Variants in NKAIN3 observed in about 807,000 individuals in gnomAD.
NKAIN3 encodes the protein sodium/potassium-transporting ATPase subunit beta-1-interacting protein 3.
A neutral mutation model predicts 30.2 loss-of-function variants in NKAIN3; 25 were observed. That is an observed-to-expected ratio of 0.83 (90% confidence interval 0.60 to 1.16). The LOEUF (loss-of-function observed/expected upper bound fraction) is 1.16. Ranked by LOEUF, NKAIN3 falls within the 50% of genes most tolerant of loss-of-function variation. NKAIN3 has a pLI of 0.00. For synonymous variants in NKAIN3, 91 were observed against 89.6 expected, an observed-to-expected ratio of 1.02 and a Z score of -0.09; for missense variants, 225 against 254.1, an observed-to-expected ratio of 0.89 and a Z score of 0.78.
chr8:62,434,475 G>A (rs1042502670), intron 1 of NKAIN3, among the ~76,000 whole-genome samples: 6 of 152,076 alleles, frequency 3.9e-5, no homozygotes, highest in East Asian at 1.9e-4. Flanking sequence ...ACTGGATTCC[G>A]GATGTTATCA....
intron 4 of NKAIN3, among the ~76,000 whole-genome samples, chr8:62,885,601 T>A (rs1434657494): frequency 6.6e-6 from 1 of 152,194 alleles, no homozygotes; most frequent in East Asian, 1.9e-4. Context: ...AGTACAATAG[T>A]GGATTTTTCT....
intron 3 of NKAIN3, among the ~76,000 whole-genome samples, chr8:62,742,506 A>G (rs1329122780): frequency 1.3e-5 from 2 of 152,232 alleles, no homozygotes; most frequent in East Asian, 3.8e-4. Context: ...TCCTCATGCC[A>G]AAGTGGAACA....
At chr8:62,485,141 T>A (rs1429244669) in intron 1 of NKAIN3, among the ~76,000 whole-genome samples, 1 of 152,090 alleles carries the variant, frequency 6.6e-6, no homozygotes, top group Non-Finnish European at 1.5e-5. Flanking sequence ...CTTTTCATGA[T>A]GTATGCTAAA....
At chr8:62,343,903 A>G (rs1485082968) in intron 1 of NKAIN3, among the ~76,000 whole-genome samples, 1 of 152,122 alleles carries the variant, frequency 6.6e-6, no homozygotes, top group Non-Finnish European at 1.5e-5. Flanking sequence ...TCACATTTTG[A>G]TTCTTTATGG....
intron 1 of NKAIN3, among the ~76,000 whole-genome samples, chr8:62,395,818 G>A (rs1028160812): frequency 1.3e-5 from 2 of 152,106 alleles, no homozygotes; most frequent in African/African-American, 4.8e-5. Context: ...AAATACTTGA[G>A]CAATTGATCA....
At chr8:62,768,527 G>A (rs1283596157) in intron 4 of NKAIN3, among the ~76,000 whole-genome samples, 1 of 152,170 alleles carries the variant, frequency 6.6e-6, no homozygotes, top group East Asian at 1.9e-4. Context: ...AGGTACAGGA[G>A]TTAAGGACAT....
intron 1 of NKAIN3, among the ~76,000 whole-genome samples, chr8:62,369,124 C>A (rs1816829440): frequency 6.6e-6 from 1 of 151,980 alleles, no homozygotes; most frequent in Admixed American, 6.6e-5. Flanking sequence ...TTGTTGAGTT[C>A]TTTTTAACTT....
intron 3 of NKAIN3, among the ~76,000 whole-genome samples, chr8:62,667,408 T>C (rs1813159722): frequency 6.8e-6 from 1 of 147,984 alleles, no homozygotes; most frequent in Non-Finnish European, 1.5e-5. Flanking sequence ...TTCCCACTCA[T>C]TGCTTACATT....
chr8:62,604,220 A>T (rs535386545), intron 3 of NKAIN3, among the ~76,000 whole-genome samples: 63 of 152,248 alleles, frequency 4.1e-4, no homozygotes, highest in Non-Finnish European at 7.5e-4. Flanking sequence ...CACTGAATGG[A>T]GGCAACAAGG....
intron 1 of NKAIN3, among the ~76,000 whole-genome samples, chr8:62,316,426 C>T (rs1418833594): frequency 4.6e-5 from 7 of 151,894 alleles, no homozygotes; most frequent in Admixed American, 2.0e-4. Flanking sequence ...GCTATCCCCC[C>T]CCTCCTCCCA....
intron 4 of NKAIN3, among the ~76,000 whole-genome samples, chr8:62,793,791 T>A (rs1817768581): frequency 6.6e-6 from 1 of 152,142 alleles, no homozygotes; most frequent in African/African-American, 2.4e-5. Flanking sequence ...TCTAAGAACA[T>A]CTAAGATATG....
intron 1 of NKAIN3, among the ~76,000 whole-genome samples, chr8:62,466,821 T>C (rs2129599805): frequency 6.6e-6 from 1 of 152,284 alleles, no homozygotes; most frequent in Non-Finnish European, 1.5e-5. Flanking sequence ...TTCTCCCTTT[T>C]ATGTTATTAG....
At chr8:62,832,258 GACACACACACACACACACACAC>G (rs57632946) in intron 4 of NKAIN3, among the ~76,000 whole-genome samples, 12 of 132,600 alleles carry the variant, frequency 9.0e-5, no homozygotes, top group African/African-American at 2.8e-4. Flanking sequence ...TGACCAAACA[GACACACACACACACACACACAC>G]ACACACACAC....
intron 1 of NKAIN3, among the ~76,000 whole-genome samples, chr8:62,313,259 T>C (rs1194894916): frequency 6.6e-6 from 1 of 152,152 alleles, no homozygotes; most frequent in Non-Finnish European, 1.5e-5. Context: ...TTTGATCAAA[T>C]AGATAATCAA....
chr8:62,290,382 T>C (rs1052746721), intron 1 of NKAIN3, among the ~76,000 whole-genome samples: 4 of 152,206 alleles, frequency 2.6e-5, no homozygotes, highest in Admixed American at 6.5e-5. Context: ...TGTGGGTTTG[T>C]CATAAATAGC....
intron 4 of NKAIN3, chr8:62,855,511 G>T (rs1820035597): frequency 2.8e-6 from 4 of 1,412,974 alleles, no homozygotes; most frequent in African/African-American, 1.4e-5. Flanking sequence ...CTTCAGGATT[G>T]TAATCTGGTG....
chr8:62,709,669 C>G (rs1814653865), intron 3 of NKAIN3, among the ~76,000 whole-genome samples: 1 of 152,128 alleles, frequency 6.6e-6, no homozygotes, highest in Non-Finnish European at 1.5e-5. Flanking sequence ...TTCAAAGAAC[C>G]AACATTTTGT....
At chr8:62,820,195 CA>C (rs1818808684) in intron 4 of NKAIN3, among the ~76,000 whole-genome samples, 1 of 152,074 alleles carries the variant, frequency 6.6e-6, no homozygotes, top group Non-Finnish European at 1.5e-5. Context: ...GAAGGAATAA[CA>C]GAGCTGTGTT....
At chr8:62,803,750 G>C (rs1353436544) in intron 4 of NKAIN3, among the ~76,000 whole-genome samples, 1 of 152,076 alleles carries the variant, frequency 6.6e-6, no homozygotes, top group Non-Finnish European at 1.5e-5. Flanking sequence ...CAGAAGGCAA[G>C]AAATAACTAA....
Sources: allele counts gnomAD v4.1 joint callset (sites outside exome capture counted in the v4.1 genomes callset), GRCh38; gene constraint gnomAD v4.1.1; transcripts MANE v1.5; gene names NCBI Gene and HGNC (gene_info 2026-07-23, HGNC 2026-07-21).